The following UPB1 variants were observed in gnomAD, a reference collection of about 807,000 sequenced individuals.
UPB1 encodes beta-ureidopropionase.
In UPB1, 40 loss-of-function variants were observed where a neutral mutation model predicts 49.1. The observed-to-expected ratio is 0.81, with a 90% confidence interval of 0.63 to 1.06. The LOEUF is 1.06. UPB1 is among the 50% of genes least tolerant of loss of function. The probability of loss-of-function intolerance (pLI) is 0.00; values close to 1 mark genes in which losing one functional copy is unlikely to be tolerated. For missense variants in UPB1, 499 were observed against 505.9 expected (o/e 0.99, Z 0.13); for synonymous variants, 207 against 198.2 (o/e 1.04, Z -0.38).
intron 9 of UPB1, 31 bp downstream of exon 9, chr22:24,523,804 C>T: frequency 6.2e-7 from 1 of 1,613,812 alleles, no homozygotes; most frequent in Non-Finnish European, 8.5e-7. Flanking sequence ...TTGTTGCCTG[C>T]TCCTCTGCTT....
intron 4 of UPB1, among the ~76,000 whole-genome samples, chr22:24,512,350 C>G (rs1347356813): frequency 6.6e-6 from 1 of 152,144 alleles, no homozygotes; most frequent in Non-Finnish European, 1.5e-5. Context: ...GCATGCCTCT[C>G]CCCTATCCTG....
chr22:24,504,695 G>A (rs912066668), intron 3 of UPB1, among the ~76,000 whole-genome samples: 1 of 139,492 alleles, frequency 7.2e-6, no homozygotes, highest in African/African-American at 2.6e-5. Flanking sequence ...CCCTGGACTA[G>A]TTCCCTAATT....
In UPB1 at chr22:24,495,386, C is replaced by A. The variant is rs2043847288; in HGVS notation, c.-18C>A. On this transcript the variant is annotated 5_prime_UTR_variant, in exon 1 of 10. Transcript: ENST00000326010. ...CAGGCAGTTCGTGCGCGGACACAAG[C>A]ACTGGCGGACCGTGGCCATGGCGGG... 1 of 1,612,036 alleles carries A rather than the reference C, an allele frequency of 6.2e-7. No individual in the cohort carries two copies. The highest frequency in any genetic ancestry group is 1.3e-5 in the African/African-American group (1 of 74,950).
Position 24,500,109 on chromosome 22 carries a change from A to G in UPB1, c.107A>G (p.Lys36Arg), listed in dbSNP as rs1452428872. The part of the protein sequence containing the change: ...KRVLYGKELR[K>R]LDLPREAFEA... ...CCTCTTTTTTCCTGCCCATCTAGGA[A>G]GCTTGATCTGCCCAGGGAAGCTTTC... The change falls in exon 2 of 10, where the codon AAG becomes AGG. Residue 36 changes from lysine (K) to arginine (R), a missense_variant and splice_region_variant. Lys to Arg is a conservative substitution (Grantham distance 26, BLOSUM62 2). Coordinates refer to ENST00000326010, the MANE Select transcript of UPB1 (RefSeq NM_016327.3). The G allele has an allele frequency of 9.9e-6, 16 of 1,614,060 alleles. No individual in the cohort carries two copies. Among genetic ancestry groups the G allele is most frequent in the Non-Finnish European group, 1.3e-5 (15 of 1,180,046 alleles).
chr22:24,513,609 A>G (rs2044245005), intron 5 of UPB1, 124 bp downstream of exon 5: 1 of 1,346,630 alleles, frequency 7.4e-7, no homozygotes, highest in African/African-American at 1.4e-5. Context: ...CGTACACTCC[A>G]CGGGAGCACA....
In UPB1 at chr22:24,523,698, T is replaced by C. The variant is rs1463070577; in HGVS notation, c.996T>C (p.Arg332=). Residue 332 remains arginine, a synonymous_variant, in exon 9 of 10, where the codon CGT becomes CGC. Coordinates refer to ENST00000326010, the MANE Select transcript of UPB1 (RefSeq NM_016327.3). The stretch of plus-strand genomic sequence containing the variant: ...GCAGCCGGACTCCTGGGCTGTCCCG[T>C]AGCCGGGATGGACTGCTAGTTGCTA... ...PDSSRTPGLS[R]SRDGLLVAKL... 6.2e-7 allele frequency: 1 copy of C among 1,614,274 alleles called. No homozygotes were observed. The highest frequency in any genetic ancestry group is 8.5e-7 in the Non-Finnish European group (1 of 1,180,048).
intron 5 of UPB1, among the ~76,000 whole-genome samples, chr22:24,514,718 C>T (rs1252592831): frequency 3.9e-5 from 6 of 152,192 alleles, no homozygotes; most frequent in Admixed American, 3.3e-4. Context: ...AAGCTTTGGC[C>T]TTAATCATTT....
chr22:24,510,819 G>GC lies in UPB1; in HGVS notation c.438dup (p.Thr147HisfsTer13). Reference sequence around the variant, plus strand: ...AATTTGCTGAGTCAGCAGAGGATGGGCCCACCACCAGATTCTGTCAGAAGG... The same window carrying GC: ...AATTTGCTGAGTCAGCAGAGGATGGGCCCCACCACCAGATTCTGTCAGAAGG... On this transcript the variant is annotated frameshift_variant, in exon 4 of 10. Coordinates refer to ENST00000326010, the MANE Select transcript of UPB1 (RefSeq NM_016327.3). LOFTEE classifies it high-confidence loss of function. 6.2e-7 allele frequency: 1 copy of GC among 1,614,178 alleles called. No individual in the cohort carries two copies. Among genetic ancestry groups the GC allele is most frequent in the Non-Finnish European group, 8.5e-7 (1 of 1,180,026 alleles).
At chr22:24,502,866 T>TC in intron 3 of UPB1, 1 of 249,840 alleles carries the variant, frequency 4.0e-6, no homozygotes, top group Non-Finnish European at 7.8e-6. Context: ...CCTTGTTCTA[T>TC]CCCCCCAGCC....
At chr22:24,513,876 C>T (rs1000518549) in intron 5 of UPB1, among the ~76,000 whole-genome samples, 1 of 152,214 alleles carries the variant, frequency 6.6e-6, no homozygotes, top group African/African-American at 2.4e-5. Context: ...CGCCACAGCC[C>T]TGTCCTTGTT....
Position 24,513,431 on chromosome 22 carries a change from A to G in UPB1, c.567A>G (p.Ala189=). Residue 189 remains alanine (A), a synonymous_variant, in exon 5 of 10, where the codon GCA becomes GCG. Transcript: ENST00000326010. ...NTAVVISNSG[A]VLGKTRKNHI... ...CCGTGGTGATCTCCAATTCCGGAGC[A>G]GTCCTGGGAAAGACCAGGAAAAACC... 3 of 1,614,236 alleles carry G rather than the reference A, an allele frequency of 1.9e-6. No individual in the cohort carries two copies. The highest frequency in any genetic ancestry group is 2.5e-6 in the Non-Finnish European group (3 of 1,180,042).
intron 2 of UPB1, 103 bp downstream of exon 2, chr22:24,500,381 C>G (rs1162213978): frequency 6.6e-7 from 1 of 1,520,246 alleles, no homozygotes; most frequent in East Asian, 2.3e-5. Context: ...GGTCTGCAGG[C>G]TTGGGCGCCT....
intron 1 of UPB1, among the ~76,000 whole-genome samples, chr22:24,497,261 AAG>A (rs2043909169): frequency 2.0e-5 from 3 of 152,232 alleles, no homozygotes; most frequent in Non-Finnish European, 4.4e-5. Flanking sequence ...AAACATTGTT[AAG>A]AGGGGTTGCC....
At chr22:24,510,337 A>C (rs1005393001) in intron 3 of UPB1, among the ~76,000 whole-genome samples, 1 of 152,188 alleles carries the variant, frequency 6.6e-6, no homozygotes, top group Non-Finnish European at 1.5e-5. Context: ...CATCCATGTA[A>C]GCATGCATCA....
intron 3 of UPB1, among the ~76,000 whole-genome samples, chr22:24,504,685 C>T (rs1195339869): frequency 2.0e-5 from 3 of 150,954 alleles, no homozygotes; most frequent in Non-Finnish European, 2.9e-5. Flanking sequence ...GATGTTGGAA[C>T]CCTGGACTAG....
Position 24,500,098 on chromosome 22 carries a change from C to G in UPB1, c.105-9C>G. ...AAATCCCCTTCCCTCTTTTTTCCTGCCCATCTAGGAAGCTTGATCTGCCCA... is the reference window on the plus strand; with the variant it reads ...AAATCCCCTTCCCTCTTTTTTCCTGGCCATCTAGGAAGCTTGATCTGCCCA... On this transcript the variant is annotated splice_polypyrimidine_tract_variant and intron_variant, in intron 1 of 9. Transcript: ENST00000326010. 6.2e-7 allele frequency: 1 copy of G among 1,614,062 alleles called. No homozygotes were observed. The highest frequency in any genetic ancestry group is 8.5e-7 in the Non-Finnish European group (1 of 1,180,014).
At chr22:24,522,611 T>TG (rs975506684) in intron 8 of UPB1, among the ~76,000 whole-genome samples, 1 of 151,554 alleles carries the variant, frequency 6.6e-6, no homozygotes, top group African/African-American at 2.4e-5. Context: ...CTTGGACACT[T>TG]GGAGGTAGCT....
Position 24,523,663 on chromosome 22 carries a change from G to C in UPB1, c.961G>C (p.Ala321Pro). The change falls in exon 9 of 10, where the codon GCC (alanine) becomes CCC (proline). Residue 321 changes from alanine (A) to proline (P), a missense_variant. Coordinates refer to ENST00000326010, the MANE Select transcript of UPB1 (RefSeq NM_016327.3). ...CTTTTATGGCTCGAGCTATGTGGCA[G>C]CCCCTGACAGCAGCCGGACTCCTGG... ...GYFYGSSYVA[A>P]PDSSRTPGLS... 6.2e-7 allele frequency: 1 copy of C among 1,614,260 alleles called. No homozygotes were observed. Among genetic ancestry groups the C allele is most frequent in the Non-Finnish European group, 8.5e-7 (1 of 1,180,048 alleles).
intron 4 of UPB1, 151 bp downstream of exon 4, chr22:24,510,994 A>T: frequency 2.0e-4 from 151 of 740,882 alleles, no homozygotes; most frequent in South Asian, 1.5e-3. Context: ...ACTATCTGCC[A>T]CTTTTTTTTT....
Sources: allele counts gnomAD v4.1 joint callset (sites outside exome capture counted in the v4.1 genomes callset), GRCh38; gene constraint gnomAD v4.1.1; transcripts MANE v1.5; gene names NCBI Gene and HGNC (gene_info 2026-07-23, HGNC 2026-07-21).